PPIL4: variants seen among roughly 807,000 people sequenced by gnomAD.
PPIL4 encodes peptidyl-prolyl cis-trans isomerase-like 4.
In PPIL4, 50 loss-of-function variants were observed where a neutral mutation model predicts 69.1. The observed-to-expected ratio is 0.72, with a 90% CI of 0.58 to 0.92. PPIL4 has a LOEUF of 0.92. Ranked by LOEUF, PPIL4 falls within the 40% of genes least tolerant of loss-of-function variation. The pLI is 0.00. For missense variants in PPIL4, 480 were observed against 587.9 expected (o/e 0.82, Z 1.90); for synonymous variants, 193 against 191.6 (o/e 1.01, Z -0.06).
At chr6:149,531,225 T>C (rs1243309175) in intron 7 of PPIL4, among the ~76,000 whole-genome samples, 1 of 151,392 alleles carries the variant, frequency 6.6e-6, no homozygotes, top group African/African-American at 2.4e-5. Context: ...ATTAGCTGGA[T>C]GTGGTGGCAG....
chr6:149,537,102 G>A (rs1356708709), intron 4 of PPIL4, among the ~76,000 whole-genome samples: 1 of 151,350 alleles, frequency 6.6e-6, no homozygotes, highest in Admixed American at 6.6e-5. Context: ...CTCCAGCCTG[G>A]GCAACAGAGT....
At chr6:149,521,261 C>T in intron 9 of PPIL4, 90 bp from the exon 10 acceptor site, 1 of 803,640 alleles carries the variant, frequency 1.2e-6, no homozygotes, top group Admixed American at 2.3e-5. Flanking sequence ...TTTGTTGTTA[C>T]AAAAATTAAT....
At chr6:149,520,989 G>A (rs1777021546) in intron 10 of PPIL4, 71 bp downstream of exon 10, 2 of 819,618 alleles carry the variant, frequency 2.4e-6, no homozygotes, top group Middle Eastern at 2.7e-4. Context: ...CTCCAGCCTG[G>A]GCAACAGAGC....
At chr6:149,523,704 G>GA (rs959923008) in intron 9 of PPIL4, among the ~76,000 whole-genome samples, 69 of 116,406 alleles carry the variant, frequency 5.9e-4, no homozygotes, top group South Asian at 1.1e-3. Flanking sequence ...AAAATAAAAA[G>GA]AAAAAAAAAA....
intron 7 of PPIL4, among the ~76,000 whole-genome samples, chr6:149,527,823 C>T (rs1461422760): frequency 6.6e-6 from 1 of 152,196 alleles, no homozygotes; most frequent in Non-Finnish European, 1.5e-5. Flanking sequence ...CTGATAAGAT[C>T]ACCTGTAAAG....
chr6:149,540,652 C>A (rs968388534), intron 4 of PPIL4, among the ~76,000 whole-genome samples: 1 of 152,050 alleles, frequency 6.6e-6, no homozygotes, highest in East Asian at 1.9e-4. Context: ...AAAAGAAATA[C>A]TGAAAAATGA....
chr6:149,505,588 C>T lies in PPIL4; in HGVS notation c.1344G>A (p.Glu448=). The T allele has an allele frequency of 6.2e-7, 1 of 1,614,166 alleles. No homozygotes were observed. The highest frequency in any genetic ancestry group is 8.5e-7 in the Non-Finnish European group (1 of 1,180,026). ...TQNRSRSRSR[E]RDGHYSNSHK... ...GACTATTACTATAATGGCCATCCCTCTCTCGAGATCGGCTACGACTTCGGT... is the reference window on the plus strand; with the variant it reads ...GACTATTACTATAATGGCCATCCCTTTCTCGAGATCGGCTACGACTTCGGT... Residue 448 remains glutamate, a synonymous_variant, in exon 13 of 13, where the codon GAG becomes GAA. Transcript: ENST00000253329.
intron 10 of PPIL4, among the ~76,000 whole-genome samples, chr6:149,520,399 C>G (rs1487103694): frequency 6.6e-6 from 1 of 151,420 alleles, no homozygotes; most frequent in Non-Finnish European, 1.5e-5. Context: ...CTAAAACAAA[C>G]AAAAAAAATT....
chr6:149,539,139 AC>A (rs1777323602), intron 4 of PPIL4, among the ~76,000 whole-genome samples: 1 of 152,082 alleles, frequency 6.6e-6, no homozygotes, highest in Non-Finnish European at 1.5e-5. Context: ...GAGCCACTGC[AC>A]CCAGCCAAGT....
chr6:149,530,360 A>G (rs796411199), intron 7 of PPIL4, among the ~76,000 whole-genome samples: 14 of 152,252 alleles, frequency 9.2e-5, no homozygotes, highest in African/African-American at 3.1e-4. Context: ...ATAGATAAGC[A>G]GTTAAGAAGG....
chr6:149,515,886 ATTC>A (rs1405710716), intron 11 of PPIL4, among the ~76,000 whole-genome samples: 8 of 151,908 alleles, frequency 5.3e-5, no homozygotes, highest in Non-Finnish European at 1.0e-4. Context: ...TCTATTTTTG[ATTC>A]TTCTTATTAA....
chr6:149,525,192 T>C lies in PPIL4; in HGVS notation c.821A>G (p.Asp274Gly). 1 of 1,564,844 alleles carries C rather than the reference T, an allele frequency of 6.4e-7. No individual in the cohort carries two copies. The highest frequency in any genetic ancestry group is 2.3e-5 in the East Asian group (1 of 43,918). ...GPIRSCEVIR[D>G]WKTGESLCYA... ...ACAGAGGGACTCTCCTGTCTTCCAGTCTCGGATAACTTCACAACTGAAAGA... is the reference window on the plus strand; with the variant it reads ...ACAGAGGGACTCTCCTGTCTTCCAGCCTCGGATAACTTCACAACTGAAAGA... Residue 274 changes from aspartate to glycine, a missense_variant, in exon 9 of 13, where the codon GAC (aspartate) becomes GGC (glycine). Asp to Gly is a moderately conservative substitution (Grantham distance 94, BLOSUM62 -1). Coordinates refer to ENST00000253329, the MANE Select transcript of PPIL4 (RefSeq NM_139126.4).
chr6:149,525,511 A>AT (rs1491521241), intron 8 of PPIL4, among the ~76,000 whole-genome samples: 1 of 152,218 alleles, frequency 6.6e-6, no homozygotes, highest in Non-Finnish European at 1.5e-5. Context: ...AACTACTGCT[A>AT]AAGACTTTTA....
rs1455805626 is a variant in PPIL4, at chr6:149,534,680, C to T, written c.559G>A (p.Asp187Asn). 6.7e-7 allele frequency: 1 copy of T among 1,487,792 alleles called. No individual in the cohort carries two copies. Among genetic ancestry groups the T allele is most frequent in the Admixed American group, 1.8e-5 (1 of 54,166 alleles). 92.2% of individuals were successfully genotyped at this position (1,487,792 alleles called of 1,614,324 possible). Residue 187 changes from aspartate to asparagine, a missense_variant and splice_region_variant, in exon 6 of 13, where the codon GAT (aspartate) becomes AAT (asparagine). Transcript: ENST00000253329. ...AATCATAAGAGGGCTTTACTTACAT[C>T]TAATTGTTCCCTTGTAGGTTCTGGT... ...RSPEPTREQL[D>N]SGRIGADEEI...
chr6:149,521,493 G>A (rs1538497), intron 9 of PPIL4, among the ~76,000 whole-genome samples: 152,348 of 152,354 alleles, frequency 1, 76,171 homozygotes, highest in Middle Eastern at 1. Flanking sequence ...GTATTATACA[G>A]GTTCACAATC....
Position 149,525,127 on chromosome 6 carries a change from C to A in PPIL4, c.870+16G>T, listed in dbSNP as rs898820246. On this transcript the variant is annotated intron_variant, in intron 9 of 12. Transcript: ENST00000253329. Reference sequence around the variant, plus strand: ...AAGCAAATAAATACCAAACTTATGTCTGTATTATGACATACCTTTTCAAAT... The same window carrying A: ...AAGCAAATAAATACCAAACTTATGTATGTATTATGACATACCTTTTCAAAT... The A allele has an allele frequency of 1.5e-6, 2 of 1,322,240 alleles. No homozygotes were observed. The highest frequency in any genetic ancestry group is 2.1e-6 in the Non-Finnish European group (2 of 945,234). 81.9% of individuals were successfully genotyped at this position (1,322,240 alleles called of 1,614,324 possible). A position where few individuals can be genotyped will look rare whatever the true frequency, so the allele number is the denominator to read the frequency against.
At chr6:149,530,869 T>G (rs1420178257) in intron 7 of PPIL4, among the ~76,000 whole-genome samples, 1 of 152,140 alleles carries the variant, frequency 6.6e-6, no homozygotes, top group African/African-American at 2.4e-5. Context: ...GATCTCCAAG[T>G]GTCTAGCCAC....
intron 7 of PPIL4, among the ~76,000 whole-genome samples, chr6:149,530,660 G>A (rs1257326308): frequency 3.8e-4 from 47 of 124,588 alleles, no homozygotes; most frequent in South Asian, 1.3e-3. Context: ...CTCCATCTCG[G>A]AAAAAAAAAA....
At position 149,505,393 on chromosome 6, in the gene PPIL4, G is replaced by T; in HGVS notation, c.*60C>A. 1 of 1,491,486 alleles carries T rather than the reference G, an allele frequency of 6.7e-7. No individual in the cohort carries two copies. The highest frequency in any genetic ancestry group is 1.3e-5 in the South Asian group (1 of 77,604). The allele number at this position is 1,491,486 out of a possible 1,614,324, so 92.4% of individuals were successfully genotyped here. The stretch of plus-strand genomic sequence containing the variant: ...ACAAAATCTAAGCATCTGCTTTCCT[G>T]GCACTCTTAAGTTAGACAAGAGTAA... On this transcript the variant is annotated 3_prime_UTR_variant, in exon 13 of 13. Transcript: ENST00000253329.
Sources: allele counts gnomAD v4.1 joint callset (sites outside exome capture counted in the v4.1 genomes callset), GRCh38; gene constraint gnomAD v4.1.1; transcripts MANE v1.5; gene names NCBI Gene and HGNC (gene_info 2026-07-23, HGNC 2026-07-21).